SNX18: variants seen among roughly 807,000 people sequenced by gnomAD.
SNX18 encodes the protein sorting nexin 18, also known as sorting nexin-18.
In SNX18, 35 loss-of-function variants were observed where a neutral mutation model predicts 48.7. The observed-to-expected ratio is 0.72, with a 90% CI of 0.55 to 0.95. The LOEUF (loss-of-function observed/expected upper bound fraction) is 0.95. Among genes scored for constraint, SNX18 ranks in the 40% least tolerant of loss-of-function variants. The pLI, the probability that SNX18 is intolerant of heterozygous loss-of-function variation, is 0.00. For synonymous variants in SNX18, 492 were observed against 384.7 expected (o/e 1.28, Z -3.26); for missense variants, 824 against 871.0 (o/e 0.95, Z 0.68).
the SNX18 span, among the ~76,000 whole-genome samples, chr5:54,599,568 CA>C: frequency 2.0e-5 from 3 of 152,140 alleles, no homozygotes; most frequent in Non-Finnish European, 4.4e-5. Flanking sequence ...ATCACCCTAC[CA>C]GACTTCATTC....
chr5:54,608,502 C>T, the SNX18 span, among the ~76,000 whole-genome samples: 1 of 152,104 alleles, frequency 6.6e-6, no homozygotes, highest in Non-Finnish European at 1.5e-5. Context: ...TCCCAAAGTG[C>T]TGGAATTACA....
intron 1 of SNX18, among the ~76,000 whole-genome samples, chr5:54,524,960 T>C (rs1762101672): frequency 6.6e-6 from 1 of 152,230 alleles, no homozygotes; most frequent in African/African-American, 2.4e-5. Flanking sequence ...GAGCTGGGTC[T>C]GCTGAGGAAG....
chr5:54,627,577 GGGTCTGA>G, the SNX18 span, among the ~76,000 whole-genome samples: 1 of 152,188 alleles, frequency 6.6e-6, no homozygotes, highest in South Asian at 2.1e-4. Context: ...GGCCCTCCTG[GGGTCTGA>G]GGGCTTGGGA....
the SNX18 span, among the ~76,000 whole-genome samples, chr5:54,618,900 A>T: frequency 1.3e-5 from 2 of 152,218 alleles, no homozygotes; most frequent in Non-Finnish European, 2.9e-5. Flanking sequence ...CTGTTCTATA[A>T]GCAAAGCATA....
chr5:54,562,420 G>A, the SNX18 span, among the ~76,000 whole-genome samples: 3 of 152,140 alleles, frequency 2.0e-5, no homozygotes, highest in Non-Finnish European at 4.4e-5. Flanking sequence ...TCTCATCTCC[G>A]TCACCTTTTT....
At chr5:54,636,428 C>A in the SNX18 span, among the ~76,000 whole-genome samples, 1 of 151,630 alleles carries the variant, frequency 6.6e-6, no homozygotes, top group South Asian at 2.1e-4. Flanking sequence ...ATAAAATCTT[C>A]AGTGAAAAAA....
Position 54,518,053 on chromosome 5 carries a change from A to G in SNX18, c.101A>G (p.Asp34Gly). 6.5e-7 allele frequency: 1 copy of G among 1,546,934 alleles called. No individual in the cohort carries two copies. ...GTGCTGAGCCTGTGCAGCGAGCAGG[A>G]CATCGAGGGCTGGCTCGAGGGGGTC... ...HEVLSLCSEQDIEGWLEGVNS... is the reference protein window; with the variant it reads ...HEVLSLCSEQGIEGWLEGVNS... The change falls in exon 1 of 2, where the codon GAC (aspartate) becomes GGC (glycine). Residue 34 changes from aspartate (D) to glycine (G), a missense_variant. By Grantham distance (94) the Asp-to-Gly change is moderately conservative. Transcript: ENST00000381410.
At chr5:54,601,102 GTCCATCCATCCA>G in the SNX18 span, among the ~76,000 whole-genome samples, 2 of 151,212 alleles carry the variant, frequency 1.3e-5, no homozygotes, top group African/African-American at 2.4e-5. Flanking sequence ...CTGTCCATCT[GTCCATCCATCCA>G]TCCATCCATC....
At chr5:54,542,756 A>T (rs1243518766) in intron 1 of SNX18, among the ~76,000 whole-genome samples, 2 of 152,206 alleles carry the variant, frequency 1.3e-5, no homozygotes, top group Non-Finnish European at 2.9e-5. Context: ...TGGATCCTTT[A>T]TGGGATGTTT....
At chr5:54,532,957 T>G (rs1361177225) in intron 1 of SNX18, among the ~76,000 whole-genome samples, 1 of 152,196 alleles carries the variant, frequency 6.6e-6, no homozygotes, top group Non-Finnish European at 1.5e-5. Context: ...CTTTAGACAT[T>G]AGGTGATTGC....
At chr5:54,576,353 A>C in the SNX18 span, among the ~76,000 whole-genome samples, 81 of 152,380 alleles carry the variant, frequency 5.3e-4, no homozygotes, top group African/African-American at 1.9e-3. Flanking sequence ...ACCCAAGGCT[A>C]TGGTACGTGG....
the SNX18 span, among the ~76,000 whole-genome samples, chr5:54,626,419 G>C: frequency 6.6e-6 from 1 of 152,172 alleles, no homozygotes; most frequent in Non-Finnish European, 1.5e-5. Flanking sequence ...GGCTCCCAGA[G>C]TGCTAGGATT....
chr5:54,532,023 C>T (rs1168456820), intron 1 of SNX18, among the ~76,000 whole-genome samples: 4 of 152,166 alleles, frequency 2.6e-5, no homozygotes, highest in African/African-American at 4.8e-5. Context: ...CCTGGCTCTG[C>T]GTGTGTGCTC....
intron 1 of SNX18, among the ~76,000 whole-genome samples, chr5:54,529,592 C>A (rs1270423079): frequency 6.6e-6 from 1 of 151,604 alleles, no homozygotes; most frequent in African/African-American, 2.4e-5. Context: ...GTACTTACTA[C>A]GTGATAGGCA....
chr5:54,531,798 G>A (rs1172707453), intron 1 of SNX18, among the ~76,000 whole-genome samples: 6 of 152,186 alleles, frequency 3.9e-5, no homozygotes, highest in South Asian at 2.1e-4. Flanking sequence ...CCTCGTGATC[G>A]TGAAGGGATG....
the SNX18 span, among the ~76,000 whole-genome samples, chr5:54,603,466 C>T: frequency 2.6e-5 from 4 of 152,114 alleles, no homozygotes; most frequent in South Asian, 4.2e-4. Context: ...GAGATTTGAA[C>T]TTATATTTTA....
the SNX18 span, among the ~76,000 whole-genome samples, chr5:54,597,011 T>A: frequency 6.6e-6 from 1 of 152,050 alleles, no homozygotes; most frequent in Non-Finnish European, 1.5e-5. Flanking sequence ...AAGAGACCCA[T>A]CTCACATGCA....
At chr5:54,609,821 T>G in the SNX18 span, among the ~76,000 whole-genome samples, 1 of 151,460 alleles carries the variant, frequency 6.6e-6, no homozygotes, top group African/African-American at 2.4e-5. Flanking sequence ...ACATTGGAGG[T>G]GGAGCGTGGT....
At chr5:54,536,627 C>T (rs931638159) in intron 1 of SNX18, among the ~76,000 whole-genome samples, 7 of 152,166 alleles carry the variant, frequency 4.6e-5, no homozygotes, top group African/African-American at 1.4e-4. Context: ...TCCAGTCTAT[C>T]ATTGATGGTC....
Sources: allele counts gnomAD v4.1 joint callset (sites outside exome capture counted in the v4.1 genomes callset), GRCh38; gene constraint gnomAD v4.1.1; transcripts MANE v1.5; gene names NCBI Gene and HGNC (gene_info 2026-07-23, HGNC 2026-07-21).